NDUFAF6: variants seen among roughly 807,000 people sequenced by gnomAD.
NDUFAF6 encodes NADH:ubiquinone oxidoreductase complex assembly factor 6.
A neutral mutation model predicts 40.8 loss-of-function variants in NDUFAF6; 45 were observed. The observed-to-expected ratio is 1.10, with a 90% confidence interval of 0.87 to 1.42. The LOEUF (loss-of-function observed/expected upper bound fraction) is 1.42. NDUFAF6 is among the 40% of genes most tolerant of loss of function. NDUFAF6 has a pLI of 0.00. For missense variants in NDUFAF6, 435 were observed against 418.5 expected (o/e 1.04, Z -0.34); for synonymous variants, 185 against 155.9 (o/e 1.19, Z -1.39).
At chr8:95,033,445 G>C (rs1829094979) in intron 2 of NDUFAF6, among the ~76,000 whole-genome samples, 1 of 152,156 alleles carries the variant, frequency 6.6e-6, no homozygotes, top group Non-Finnish European at 1.5e-5. Context: ...TTTGCACATG[G>C]AGCCTTGTTT....
chr8:94,949,783 C>T (rs1348249006), intron 2 of NDUFAF6, among the ~76,000 whole-genome samples: 1 of 152,132 alleles, frequency 6.6e-6, no homozygotes, highest in Admixed American at 6.5e-5. Context: ...GGGTTTGGGG[C>T]ACAAAGGGCG....
intron 1 of NDUFAF6, among the ~76,000 whole-genome samples, chr8:94,976,281 G>A (rs1015397015): frequency 7.9e-5 from 12 of 151,970 alleles, no homozygotes; most frequent in African/African-American, 2.2e-4. Flanking sequence ...AGAGGCAGGC[G>A]GATCACGAGG....
chr8:94,940,682 T>C lies in NDUFAF6; in HGVS notation c.-935-4801T>C, dbSNP rs1265885184. On this transcript the variant is annotated intron_variant, in intron 1 of 14. Coordinates refer to the NDUFAF6 transcript ENST00000396113. ...TTTCACTGACATTATCTAGCACAGA[T>C]GGTTTCCTGCAATTTTTTAAAGACA... 3.1e-5 allele frequency: 19 copies of C among 621,490 alleles called. No homozygotes were observed. In the East Asian group the frequency reaches 5.1e-4, roughly 17 times the overall value. 38.5% of individuals were successfully genotyped at this position (621,490 alleles called of 1,614,324 possible).
chr8:95,038,264 A>G (rs763311595), intron 3 of NDUFAF6, among the ~76,000 whole-genome samples: 1 of 152,024 alleles, frequency 6.6e-6, no homozygotes. Flanking sequence ...TCCTTCTCCT[A>G]TTCCCCCATA....
chr8:94,936,355 C>T (rs1820975315), intron 1 of NDUFAF6, among the ~76,000 whole-genome samples: 1 of 152,170 alleles, frequency 6.6e-6, no homozygotes, highest in Non-Finnish European at 1.5e-5. Context: ...GAGCCTCTCC[C>T]CACCTTGGAC....
At chr8:95,024,919 C>A, upstream of NDUFAF6, 1 of 1,149,844 alleles carries the variant, frequency 8.7e-7, no homozygotes, top group South Asian at 3.5e-5. Flanking sequence ...TCCCGCGACT[C>A]AAAGGAGCAT....
chr8:95,083,263 G>GT (rs1394577238), intron 2 of NDUFAF6, among the ~76,000 whole-genome samples: 3 of 152,054 alleles, frequency 2.0e-5, no homozygotes, highest in African/African-American at 4.8e-5. Context: ...CCACTAAACG[G>GT]GCTCTGTCTT....
chr8:94,944,358 G>T (rs1477775899), intron 1 of NDUFAF6, among the ~76,000 whole-genome samples: 3 of 152,248 alleles, frequency 2.0e-5, no homozygotes, highest in South Asian at 4.1e-4. Context: ...CACTGCAGTT[G>T]TGACAGCTGC....
At chr8:95,044,255 A>G (rs773724703) in intron 4 of NDUFAF6, among the ~76,000 whole-genome samples, 2 of 152,084 alleles carry the variant, frequency 1.3e-5, no homozygotes, top group Non-Finnish European at 2.9e-5. Flanking sequence ...TGCTTAATGG[A>G]TGCAACTTTT....
rs566476375 is a variant in NDUFAF6 at position 95,004,850 on chromosome 8, C to G, written c.-84+23877C>G. Among the ~76,000 whole-genome samples the G allele has an allele frequency of 1.5e-4, 23 of 152,308 alleles. No individual in the cohort carries two copies. In the South Asian group the frequency reaches 4.6e-3, roughly 30 times the overall value. On this transcript the variant is annotated intron_variant, in intron 2 of 9. Transcript: ENST00000396111. ...ACATGATCCATCTGTTCTGTGAGGGCAGGAATTCTATTTCATTCATTCTTT... is the reference window on the plus strand; with the variant it reads ...ACATGATCCATCTGTTCTGTGAGGGGAGGAATTCTATTTCATTCATTCTTT...
At chr8:95,046,721 A>G (rs1830808461) in intron 5 of NDUFAF6, among the ~76,000 whole-genome samples, 2 of 152,210 alleles carry the variant, frequency 1.3e-5, no homozygotes, top group African/African-American at 4.8e-5. Flanking sequence ...AAGTTTTTCC[A>G]TGATAGCCGA....
At chr8:95,101,942 G>A (rs1027907114) in intron 2 of NDUFAF6, among the ~76,000 whole-genome samples, 6 of 152,180 alleles carry the variant, frequency 3.9e-5, no homozygotes, top group Admixed American at 2.6e-4. Flanking sequence ...TCCATCAAGA[G>A]AGAGCAGCCA....
chr8:95,083,035 C>T (rs1459452638), intron 2 of NDUFAF6, among the ~76,000 whole-genome samples: 1 of 152,158 alleles, frequency 6.6e-6, no homozygotes, highest in Non-Finnish European at 1.5e-5. Context: ...CCCGTCTCAG[C>T]CTCCCAAAGT....
At chr8:95,000,874 T>C (rs1586940316) in intron 2 of NDUFAF6, among the ~76,000 whole-genome samples, 1 of 151,948 alleles carries the variant, frequency 6.6e-6, no homozygotes, top group African/African-American at 2.4e-5. Context: ...GAGGCAGAGG[T>C]TGCAATAAGC....
At chr8:94,971,020 A>G (rs529124226) in intron 1 of NDUFAF6, among the ~76,000 whole-genome samples, 1 of 152,372 alleles carries the variant, frequency 6.6e-6, no homozygotes, top group Admixed American at 6.5e-5. Flanking sequence ...TCCTGGGAGT[A>G]TAAAGATAAT....
intron 5 of NDUFAF6, among the ~76,000 whole-genome samples, chr8:95,046,620 G>C (rs182351043): frequency 3.5e-4 from 53 of 152,332 alleles, no homozygotes; most frequent in African/African-American, 1.1e-3. Context: ...ACAATGAAAG[G>C]AGGGAGCAAA....
At chr8:95,018,451 C>A (rs904320925) in intron 2 of NDUFAF6, among the ~76,000 whole-genome samples, 6 of 152,144 alleles carry the variant, frequency 3.9e-5, no homozygotes, top group African/African-American at 1.4e-4. Flanking sequence ...CATTAACTTT[C>A]ATGTCAGAAA....
At chr8:94,903,430 G>A (rs1818158723) in intron 1 of NDUFAF6, among the ~76,000 whole-genome samples, 1 of 152,082 alleles carries the variant, frequency 6.6e-6, no homozygotes. Context: ...TGTATCAACC[G>A]GGATAAATCT....
intron 1 of NDUFAF6, among the ~76,000 whole-genome samples, chr8:94,902,005 T>C (rs1586589532): frequency 6.6e-6 from 1 of 152,248 alleles, no homozygotes; most frequent in East Asian, 1.9e-4. Flanking sequence ...CACAGATCTC[T>C]CCATCTATCC....
Sources: gnomAD v4.1 joint callset for allele counts (sites outside exome capture counted in the v4.1 genomes callset) on GRCh38, gnomAD v4.1.1 for gene constraint, MANE v1.5 for transcripts, NCBI Gene and HGNC (gene_info 2026-07-23, HGNC 2026-07-21) for gene names.